Variants in BTNL2 observed in about 807,000 individuals in gnomAD.
BTNL2 encodes the protein butyrophilin like 2.
A neutral mutation model predicts 46.8 loss-of-function variants in BTNL2; 46 were observed. The ratio of observed to expected loss-of-function variants is 0.98; its 90% CI spans 0.78 to 1.26. BTNL2 has a LOEUF of 1.26. Among genes scored for constraint, BTNL2 ranks in the 50% most tolerant of loss-of-function variants. The pLI is 0.00. For synonymous variants in BTNL2, 226 were observed against 229.1 expected (o/e 0.99, Z 0.12); for missense variants, 461 against 592.6 (o/e 0.78, Z 2.31).
At position 32,394,649 on chromosome 6, in the gene BTNL2, A is replaced by T; in HGVS notation, c.1360+95T>A. 7.0e-7 allele frequency: 1 copy of T among 1,422,448 alleles called. No homozygotes were observed. The highest frequency in any genetic ancestry group is 1.4e-5 in the South Asian group (1 of 72,920). 88.1% of individuals were successfully genotyped at this position (1,422,448 alleles called of 1,614,324 possible). ...AGACCTCGTCAGAGATCAGCAAATA[A>T]AAATCACAAAGGAAGAAGAGCAATA... On this transcript the variant is annotated intron_variant, in intron 6 of 7. Transcript: ENST00000454136. This position sits in a 1 kb window ranked among gnomAD's most constrained non-coding sequence, Gnocchi z 4.6.
intron 1 of BTNL2, chr6:32,406,739 T>TG: frequency 5.1e-6 from 1 of 196,852 alleles, no homozygotes; most frequent in East Asian, 1.1e-4. Context: ...CTGATTCAAG[T>TG]GCTTTTAATG....
chr6:32,396,519 T>C lies in BTNL2; in HGVS notation c.731-133A>G, dbSNP rs1443453471. On this transcript the variant is annotated intron_variant, in intron 4 of 7. Coordinates refer to ENST00000454136, the MANE Select transcript of BTNL2 (RefSeq NM_001304561.2). This position sits in a 1 kb window ranked among gnomAD's most constrained non-coding sequence, Gnocchi z 4.4. ...TTGCTGTGAGGCTCAGGGTCATCCT[T>C]AGGTGAGGTGGGGGTTTCATGGACT... 5 of 848,614 alleles carry C rather than the reference T, an allele frequency of 5.9e-6. No homozygotes were observed. In the East Asian group the frequency reaches 1.3e-4, roughly 22 times the overall value. The allele number at this position is 848,614 out of a possible 1,614,324, so 52.6% of individuals were successfully genotyped here. A position where few individuals can be genotyped will look rare whatever the true frequency, so the allele number is the denominator to read the frequency against.
Position 32,407,084 on chromosome 6 carries a change from C to G in BTNL2, c.40G>C (p.Ala14Pro). ...GTCAGCAGGATGAATAGGAAGGAGG[C>G]GACTGCACCAGACAGATTGTAGCCT... ...FPGYNLSGAVASFLFILLTMK... is the reference protein window; with the variant it reads ...FPGYNLSGAVPSFLFILLTMK... The change falls in exon 1 of 8, where the codon GCC (alanine) becomes CCC (proline). Residue 14 changes from alanine (A) to proline (P), a missense_variant. Transcript: ENST00000454136. 1 of 1,612,936 alleles carries G rather than the reference C, an allele frequency of 6.2e-7. No homozygotes were observed. The highest frequency in any genetic ancestry group is 8.5e-7 in the Non-Finnish European group (1 of 1,179,972).
In BTNL2 at chr6:32,394,022, C is replaced by T; in HGVS notation, c.1396G>A (p.Val466Ile). 6.5e-7 allele frequency: 1 copy of T among 1,550,202 alleles called. No individual in the cohort carries two copies. The highest frequency in any genetic ancestry group is 8.7e-7 in the Non-Finnish European group (1 of 1,146,732). ...GCCACAGCAAGAAGCAATCCCCAAA[C>T]AAGCAGTGTTTTCCACAAAAACGTC... ...RMTFLWKTLL[V>I]WGLLLAVAVG... The change falls in exon 7 of 8, where the codon GTT (valine) becomes ATT (isoleucine). Residue 466 changes from valine (V) to isoleucine (I), a missense_variant. Val to Ile is a conservative substitution (Grantham distance 29). Coordinates refer to ENST00000454136, the MANE Select transcript of BTNL2 (RefSeq NM_001304561.2). The surrounding 1 kb of genome is among the most constrained non-coding windows in gnomAD (Gnocchi z 4.6).
In BTNL2 at chr6:32,396,882, A is replaced by G. The variant is rs1027435134; in HGVS notation, c.731-496T>C. On this transcript the variant is annotated intron_variant, in intron 4 of 7. Coordinates refer to ENST00000454136, the MANE Select transcript of BTNL2 (RefSeq NM_001304561.2). This position sits in a 1 kb window ranked among gnomAD's most constrained non-coding sequence, Gnocchi z 4.4. ...GTAATCCCAGCTACTCAGGAGGCTG[A>G]GGTGGAAAAATTGCTCGAACCCGGG... is the stretch of plus-strand genomic sequence containing the variant. 7.9e-5 allele frequency among the ~76,000 whole-genome samples: 12 copies of G among 152,020 alleles called. No individual in the cohort carries two copies. Among genetic ancestry groups the G allele is most frequent in the African/African-American group, 2.9e-4 (12 of 41,428 alleles).
Position 32,407,138 on chromosome 6 carries a change from A to G in BTNL2, c.-15T>C. The G allele has an allele frequency of 6.2e-7, 1 of 1,611,914 alleles. No individual in the cohort carries two copies. The highest frequency in any genetic ancestry group is 8.5e-7 in the Non-Finnish European group (1 of 1,179,052). On this transcript the variant is annotated 5_prime_UTR_variant, in exon 1 of 8. Transcript: ENST00000454136. ...AAATCCACCATCCTCCCTGGAACAA[A>G]GACAAGGAAACGCTGTGCCTAAGTG...
rs1178578875 is a variant in BTNL2 at position 32,394,669 on chromosome 6, G to C, written c.1360+75C>G. ...AAATAAAAATCACAAAGGAAGAAGA[G>C]CAATACAATGAGTAAGTCTGAGTTG... On this transcript the variant is annotated intron_variant, in intron 6 of 7. Transcript: ENST00000454136. This position sits in a 1 kb window ranked among gnomAD's most constrained non-coding sequence, Gnocchi z 4.6. 1 of 1,466,274 alleles carries C rather than the reference G, an allele frequency of 6.8e-7. No individual in the cohort carries two copies. Among genetic ancestry groups the C allele is most frequent in the Non-Finnish European group, 9.3e-7 (1 of 1,072,612 alleles). 90.8% of individuals were successfully genotyped at this position (1,466,274 alleles called of 1,614,324 possible). A position where few individuals can be genotyped will look rare whatever the true frequency, so the allele number is the denominator to read the frequency against.
chr6:32,405,407 GT>G, intron 1 of BTNL2, 121 bp from the exon 2 acceptor site: 2 of 935,984 alleles, frequency 2.1e-6, no homozygotes, highest in Non-Finnish European at 1.7e-6. Flanking sequence ...TATGTTTAAT[GT>G]TTTAGAGAAA....
chr6:32,405,418 A>G (rs1337068917), intron 1 of BTNL2, 132 bp from the exon 2 acceptor site: 37 of 878,596 alleles, frequency 4.2e-5, no homozygotes, highest in Non-Finnish European at 6.4e-5. Flanking sequence ...TTTTAGAGAA[A>G]TCCAGCATGA....
Position 32,407,088 on chromosome 6 carries a change from T to G in BTNL2, c.36A>C (p.Ala12=). The change falls in exon 1 of 8, where the codon GCA becomes GCC. Residue 12 remains alanine, a synonymous_variant. Coordinates refer to ENST00000454136, the MANE Select transcript of BTNL2 (RefSeq NM_001304561.2). ...GCAGGATGAATAGGAAGGAGGCGAC[T>G]GCACCAGACAGATTGTAGCCTGGAA... ...VDFPGYNLSG[A]VASFLFILLT... The G allele has an allele frequency of 6.2e-7, 1 of 1,613,034 alleles. No individual in the cohort carries two copies. Among genetic ancestry groups the G allele is most frequent in the Non-Finnish European group, 8.5e-7 (1 of 1,180,004 alleles).
At chr6:32,402,222 ATTAACT>A (rs1408273871) in intron 3 of BTNL2, among the ~76,000 whole-genome samples, 4 of 152,240 alleles carry the variant, frequency 2.6e-5, no homozygotes, top group Non-Finnish European at 5.9e-5. Flanking sequence ...AAAATGTAAC[ATTAACT>A]TTAAAGTTTT....
At chr6:32,400,744 C>CAAAAAAAAAAA (rs1776700790) in intron 4 of BTNL2, among the ~76,000 whole-genome samples, 1 of 59,762 alleles carries the variant, frequency 1.7e-5, no homozygotes, top group Non-Finnish European at 3.9e-5. Context: ...CCCGTCTCTA[C>CAAAAAAAAAAA]TAAAAAAAAA....
chr6:32,396,529 G>C lies in BTNL2; in HGVS notation c.731-143C>G, dbSNP rs2127704676. 15 of 784,800 alleles carry C rather than the reference G, an allele frequency of 1.9e-5. No homozygotes were observed. Among genetic ancestry groups the C allele is most frequent in the Middle Eastern group, 2.2e-4 (1 of 4,468 alleles). 48.6% of individuals were successfully genotyped at this position (784,800 alleles called of 1,614,324 possible). ...GCTCAGGGTCATCCTTAGGTGAGGT[G>C]GGGGTTTCATGGACTCAGAATAGAG... On this transcript the variant is annotated intron_variant, in intron 4 of 7. Coordinates refer to ENST00000454136, the MANE Select transcript of BTNL2 (RefSeq NM_001304561.2). The surrounding 1 kb of genome is among the most constrained non-coding windows in gnomAD (Gnocchi z 4.4).
rs368721492 is a variant in BTNL2 at position 32,407,160 on chromosome 6, A to G, written c.-37T>C. 6.3e-7 allele frequency: 1 copy of G among 1,588,228 alleles called. No individual in the cohort carries two copies. Among genetic ancestry groups the G allele is most frequent in the South Asian group, 1.1e-5 (1 of 90,504 alleles). On this transcript the variant is annotated 5_prime_UTR_variant, in exon 1 of 8. Transcript: ENST00000454136. ...CAAAGACAAGGAAACGCTGTGCCTA[A>G]GTGAGGCTGTGACACACCCGGCACA...
chr6:32,402,311 G>A (rs769466529), intron 3 of BTNL2, among the ~76,000 whole-genome samples: 10 of 152,072 alleles, frequency 6.6e-5, no homozygotes, highest in Non-Finnish European at 1.3e-4. Context: ...AAGTTTTAGT[G>A]CAGTTATAAG....
chr6:32,406,898 A>G (rs1777187485), intron 1 of BTNL2, 147 bp downstream of exon 1: 1 of 667,980 alleles, frequency 1.5e-6, no homozygotes, highest in Non-Finnish European at 2.6e-6. Flanking sequence ...CTGGGAGTGG[A>G]GGAGCTCCTC....
chr6:32,395,889 G>A (rs1776416349), intron 5 of BTNL2, 150 bp downstream of exon 5: 1 of 640,978 alleles, frequency 1.6e-6, no homozygotes, highest in Non-Finnish European at 2.6e-6. Flanking sequence ...AAGTAACTAT[G>A]ACAGTTTCAC....
chr6:32,393,694 A>G lies in BTNL2; in HGVS notation c.*6+269T>C. The G allele has an allele frequency of 3.1e-6, 1 of 323,580 alleles. No individual in the cohort carries two copies. The highest frequency in any genetic ancestry group is 5.5e-6 in the Non-Finnish European group (1 of 180,884). 20.0% of individuals were successfully genotyped at this position (323,580 alleles called of 1,614,324 possible). A position where few individuals can be genotyped will look rare whatever the true frequency, so the allele number is the denominator to read the frequency against. On this transcript the variant is annotated intron_variant, in intron 7 of 7. Coordinates refer to ENST00000454136, the MANE Select transcript of BTNL2 (RefSeq NM_001304561.2). The surrounding 1 kb of genome is among the most constrained non-coding windows in gnomAD (Gnocchi z 4.8). ...ACTCACTTTTTTCTTCTTCTTCCCTAACCAGATCACTGGGGAATGGGCAGC... is the reference window on the plus strand; with the variant it reads ...ACTCACTTTTTTCTTCTTCTTCCCTGACCAGATCACTGGGGAATGGGCAGC...
chr6:32,400,911 T>TAAAAA (rs761420589), intron 4 of BTNL2, among the ~76,000 whole-genome samples: 5 of 77,324 alleles, frequency 6.5e-5, no homozygotes, highest in South Asian at 3.3e-4. Context: ...AGACTCCGTC[T>TAAAAA]CAAAAAAAAA....
Sources: allele counts gnomAD v4.1 joint callset (sites outside exome capture counted in the v4.1 genomes callset), GRCh38; gene constraint gnomAD v4.1.1; non-coding constraint Gnocchi (gnomAD v3.1); transcripts MANE v1.5; gene names NCBI Gene and HGNC (gene_info 2026-07-23, HGNC 2026-07-21).